The following FLRT2 variants were observed in gnomAD, a reference collection of about 807,000 sequenced individuals.
FLRT2 encodes fibronectin leucine rich transmembrane protein 2, also known as leucine-rich repeat transmembrane protein FLRT2.
FLRT2 carries 15 observed loss-of-function variants against 40.0 expected under a neutral mutation model. That is an observed-to-expected ratio of 0.38 (90% confidence interval 0.25 to 0.58). The LOEUF is 0.58. Among genes scored for constraint, FLRT2 ranks in the 20% least tolerant of loss-of-function variants. FLRT2 has a pLI of 0.71. For missense variants in FLRT2, 726 were observed against 840.0 expected, an observed-to-expected ratio of 0.86 and a Z score of 1.68; for synonymous variants, 380 against 336.8, an observed-to-expected ratio of 1.13 and a Z score of -1.41.
At chr14:85,542,166 T>A (rs961097395) in intron 1 of FLRT2, among the ~76,000 whole-genome samples, 3 of 152,218 alleles carry the variant, frequency 2.0e-5, no homozygotes, top group Admixed American at 2.0e-4. Context: ...GAACTATTTC[T>A]TTCAGAAGAT....
At chr14:85,535,315 G>T (rs1888577645) in intron 1 of FLRT2, among the ~76,000 whole-genome samples, 1 of 151,058 alleles carries the variant, frequency 6.6e-6, no homozygotes, top group Non-Finnish European at 1.5e-5. Context: ...AGACTTAACC[G>T]GTATGACCTT....
rs1311420077 is a variant in FLRT2 at position 85,632,113 on chromosome 14, A to C, written c.*8616A>C. The stretch of plus-strand genomic sequence containing the variant: ...AGTGCTGGGATTACAGGTGTGAGCC[A>C]CTGCGCCCAGCCAAGAACATCCTTT... On this transcript the variant is annotated 3_prime_UTR_variant, in exon 2 of 2. Coordinates refer to ENST00000330753, the MANE Select transcript of FLRT2 (RefSeq NM_013231.6). 6.6e-6 allele frequency: 1 copy of C among 152,086 alleles called. No individual in the cohort carries two copies. The highest frequency in any genetic ancestry group is 1.5e-5 in the Non-Finnish European group (1 of 68,080). The allele number at this position is 152,086 out of a possible 1,614,324, so 9.4% of individuals were successfully genotyped here.
intron 1 of FLRT2, among the ~76,000 whole-genome samples, chr14:85,535,892 G>GTTTTT (rs71454768): frequency 7.4e-4 from 43 of 57,816 alleles, no homozygotes; most frequent in East Asian, 2.0e-3. Flanking sequence ...AAGGAATGCT[G>GTTTTT]TTTTTTTTTT....
In FLRT2 at chr14:85,643,342, TCTTTCTTTCTTTCTTCCTTC is replaced by T; in HGVS notation, c.*19849_*19868del. 1 of 85,236 alleles carries T rather than the reference TCTTTCTTTCTTTCTTCCTTC, an allele frequency of 1.2e-5. No individual in the cohort carries two copies. Among genetic ancestry groups the T allele is most frequent in the African/African-American group, 4.5e-5 (1 of 22,422 alleles). The allele number at this position is 85,236 out of a possible 1,614,324, so 5.3% of individuals were successfully genotyped here. On this transcript the variant is annotated 3_prime_UTR_variant, in exon 2 of 2. Coordinates refer to ENST00000330753, the MANE Select transcript of FLRT2 (RefSeq NM_013231.6). ...TTCTTTCTTTCTTTCTTTCTTTCTT[TCTTTCTTTCTTTCTTCCTTC>T]CTTCCTTCCTTCCTTTCTTTCCTTT...
chr14:85,586,247 C>T (rs925113079), intron 1 of FLRT2, among the ~76,000 whole-genome samples: 6 of 151,444 alleles, frequency 4.0e-5, no homozygotes, highest in African/African-American at 1.5e-4. Context: ...GAAAAGAAGC[C>T]ACAGAGAGGT....
chr14:85,535,059 C>A (rs866242070), intron 1 of FLRT2, among the ~76,000 whole-genome samples: 15 of 152,312 alleles, frequency 9.8e-5, no homozygotes, highest in African/African-American at 3.4e-4. Context: ...CGTGTAAACG[C>A]TCGCTCAAGA....
At chr14:85,550,481 G>A (rs1889554697) in intron 1 of FLRT2, among the ~76,000 whole-genome samples, 2 of 152,170 alleles carry the variant, frequency 1.3e-5, no homozygotes, top group African/African-American at 4.8e-5. Flanking sequence ...ATTTCATTTA[G>A]CATGGATAAC....
At chr14:85,554,668 C>T (rs1361216093) in intron 1 of FLRT2, among the ~76,000 whole-genome samples, 1 of 152,134 alleles carries the variant, frequency 6.6e-6, no homozygotes, top group Non-Finnish European at 1.5e-5. Context: ...TGACTTTGAT[C>T]TAAATAGTTA....
intron 1 of FLRT2, among the ~76,000 whole-genome samples, chr14:85,555,754 C>T (rs574775295): frequency 4.1e-5 from 5 of 122,936 alleles, no homozygotes; most frequent in Admixed American, 1.8e-4. Flanking sequence ...TGAGGTCTCA[C>T]CCTGTGGCCC....
chr14:85,610,325 C>T (rs1892803112), intron 1 of FLRT2, among the ~76,000 whole-genome samples: 2 of 152,110 alleles, frequency 1.3e-5, no homozygotes, highest in East Asian at 3.9e-4. Flanking sequence ...CTTTTCTTCT[C>T]CAGGCTCTTG....
At chr14:85,565,480 C>T (rs900323944) in intron 1 of FLRT2, among the ~76,000 whole-genome samples, 3 of 152,016 alleles carry the variant, frequency 2.0e-5, no homozygotes, top group Non-Finnish European at 4.4e-5. Flanking sequence ...TCTGGGACCC[C>T]GATAGTTTCC....
At chr14:85,565,945 A>C (rs1408445384) in intron 1 of FLRT2, among the ~76,000 whole-genome samples, 1 of 152,180 alleles carries the variant, frequency 6.6e-6, no homozygotes, top group East Asian at 1.9e-4. Context: ...ATTTCAGTAG[A>C]GGATGAAAGG....
At position 85,621,519 on chromosome 14, in the gene FLRT2, G is replaced by A. The variant is rs1174688458; in HGVS notation, c.5G>A (p.Gly2Asp). The change falls in exon 2 of 2, where the codon GGC becomes GAC. Residue 2 changes from glycine (G) to aspartate (D), a missense_variant. By Grantham distance (94) the Gly-to-Asp change is moderately conservative. This residue lies in a region of FLRT2 where 106 missense variants were observed against 121.2 expected (regional missense o/e 0.87). Transcript: ENST00000330753. M[G>D]LQTTKWPSHG... is the part of the protein sequence containing the mutation. ...TTTTATTTCCGTACTTCAGAAATGG[G>A]CCTACAGACCACAAAGTGGCCCAGC... 6.2e-7 allele frequency: 1 copy of A among 1,605,868 alleles called. No homozygotes were observed. Among genetic ancestry groups the A allele is most frequent in the Non-Finnish European group, 8.5e-7 (1 of 1,176,338 alleles).
chr14:85,556,086 T>C (rs1261061393), intron 1 of FLRT2, among the ~76,000 whole-genome samples: 1 of 152,202 alleles, frequency 6.6e-6, no homozygotes, highest in Non-Finnish European at 1.5e-5. Context: ...ACAGATGTTT[T>C]AGGCTTGCAT....
At chr14:85,537,493 A>G (rs769242041) in intron 1 of FLRT2, among the ~76,000 whole-genome samples, 3 of 152,088 alleles carry the variant, frequency 2.0e-5, no homozygotes, top group Admixed American at 6.5e-5. Context: ...CTTTTGTGCA[A>G]TTATATCTTT....
chr14:85,574,371 A>G lies in FLRT2; in HGVS notation c.-377+43837A>G, dbSNP rs1595043238. On this transcript the variant is annotated intron_variant, in intron 1 of 1. Transcript: ENST00000330753. ...TTCTTGCATGCATATGTCCCACGCA[A>G]TATTCGAATCTTGTTTTATCTTGTT... Among the ~76,000 whole-genome samples, 4 of 152,064 alleles carry G rather than the reference A, an allele frequency of 2.6e-5. No homozygotes were observed. The South Asian group carries it at 8.3e-4, about 31-fold the overall frequency.
At chr14:85,573,606 G>A (rs1890994874) in intron 1 of FLRT2, among the ~76,000 whole-genome samples, 1 of 152,156 alleles carries the variant, frequency 6.6e-6, no homozygotes, top group Non-Finnish European at 1.5e-5. Flanking sequence ...CCTTTCAGCT[G>A]TTCAAGACAC....
intron 1 of FLRT2, among the ~76,000 whole-genome samples, chr14:85,617,543 C>G (rs1439285161): frequency 6.6e-6 from 1 of 152,088 alleles, no homozygotes; most frequent in Non-Finnish European, 1.5e-5. Context: ...TGGTCCCCAA[C>G]TTAAAGTCTA....
intron 1 of FLRT2, among the ~76,000 whole-genome samples, chr14:85,532,041 A>T (rs1262549957): frequency 1.3e-5 from 2 of 152,210 alleles, no homozygotes; most frequent in Non-Finnish European, 2.9e-5. Flanking sequence ...ATGCGAAGGA[A>T]ATAAAAAACA....
Sources: allele counts gnomAD v4.1 joint callset (sites outside exome capture counted in the v4.1 genomes callset), GRCh38; gene constraint gnomAD v4.1.1; regional missense constraint gnomAD v4.1.1; transcripts MANE v1.5; gene names NCBI Gene and HGNC (gene_info 2026-07-23, HGNC 2026-07-21).